The following ARHGEF28 variants were observed in gnomAD, a reference collection of about 807,000 sequenced individuals.
The protein encoded by ARHGEF28 is Rho guanine nucleotide exchange factor 28.
Under a neutral mutation model 206.6 loss-of-function variants are expected in ARHGEF28, and 152 were observed. That is an observed-to-expected ratio of 0.74 (90% confidence interval 0.64 to 0.84). The LOEUF (loss-of-function observed/expected upper bound fraction) is 0.84. Ranked by LOEUF, ARHGEF28 falls within the 40% of genes least tolerant of loss-of-function variation. The pLI, the probability that ARHGEF28 is intolerant of heterozygous loss-of-function variation, is 0.00. For missense variants in ARHGEF28, 2,028 were observed against 2,073.2 expected (o/e 0.98, Z 0.42); for synonymous variants, 763 against 776.4 (o/e 0.98, Z 0.29).
At chr5:73,639,846 T>C (rs1743957632) in intron 1 of ARHGEF28, among the ~76,000 whole-genome samples, 1 of 152,210 alleles carries the variant, frequency 6.6e-6, no homozygotes, top group African/African-American at 2.4e-5. Context: ...GGTATGCTTT[T>C]TCACATTTGT....
intron 4 of ARHGEF28, 104 bp from the exon 5 acceptor site, chr5:73,773,751 C>CT: frequency 8.7e-7 from 1 of 1,145,336 alleles, no homozygotes. Context: ...TCTTCCAACT[C>CT]TGACATTCTT....
chr5:73,779,808 A>G (rs1357913516), intron 6 of ARHGEF28, among the ~76,000 whole-genome samples: 2 of 152,172 alleles, frequency 1.3e-5, no homozygotes, highest in African/African-American at 4.8e-5. Flanking sequence ...GCAACCAGGC[A>G]CTTGTTGCTC....
chr5:73,686,273 T>G (rs2112252562), intron 2 of ARHGEF28, among the ~76,000 whole-genome samples: 1 of 152,264 alleles, frequency 6.6e-6, no homozygotes, highest in East Asian at 1.9e-4. Context: ...CTGTTTTTTC[T>G]GTGTGTGCCT....
chr5:73,939,892 T>A (rs1742490930), intron 35 of ARHGEF28, among the ~76,000 whole-genome samples: 2 of 152,132 alleles, frequency 1.3e-5, no homozygotes, highest in Non-Finnish European at 2.9e-5. Flanking sequence ...TTCTTTAAAT[T>A]TTTTTTTAAT....
At chr5:73,889,763 G>A (rs1051286068) in intron 26 of ARHGEF28, among the ~76,000 whole-genome samples, 2 of 152,202 alleles carry the variant, frequency 1.3e-5, no homozygotes, top group Admixed American at 1.3e-4. Flanking sequence ...GATAGGGTCA[G>A]AAGCAATGAG....
In ARHGEF28 at chr5:73,776,509, G is replaced by A; in HGVS notation, c.660-7G>A. On this transcript the variant is annotated splice_region_variant and splice_polypyrimidine_tract_variant and intron_variant, in intron 5 of 35. Transcript: ENST00000513042. ...CTCTGTGTGGGTTTTGATTTGTGTTGTTTCAGTTTTCAGGGCAGATGGTCC... is the reference window on the plus strand; with the variant it reads ...CTCTGTGTGGGTTTTGATTTGTGTTATTTCAGTTTTCAGGGCAGATGGTCC... The A allele has an allele frequency of 1.2e-6, 2 of 1,607,788 alleles. No individual in the cohort carries two copies. Among genetic ancestry groups the A allele is most frequent in the South Asian group, 2.2e-5 (2 of 90,198 alleles).
At chr5:73,771,857 T>A (rs1312337881) in intron 4 of ARHGEF28, among the ~76,000 whole-genome samples, 2 of 152,206 alleles carry the variant, frequency 1.3e-5, no homozygotes. Flanking sequence ...CATAGTTTTT[T>A]AATTTTCATA....
chr5:73,766,153 CA>C (rs369385323), intron 4 of ARHGEF28, among the ~76,000 whole-genome samples: 5,187 of 114,682 alleles, frequency 0.045, 271 homozygotes, highest in African/African-American at 0.14. Flanking sequence ...GACTCCATCT[CA>C]AAAAAAAAAA....
chr5:73,904,346 T>A lies in ARHGEF28; in HGVS notation c.4114-12T>A, dbSNP rs1224238769. On this transcript the variant is annotated splice_polypyrimidine_tract_variant and intron_variant, in intron 32 of 35. Transcript: ENST00000513042. ...TTTTCAAGAATTTGACACTTACAAT[T>A]TTGTTTTTCAGATTATACAAGCCAT... 1 of 1,613,394 alleles carries A rather than the reference T, an allele frequency of 6.2e-7. No individual in the cohort carries two copies. The highest frequency in any genetic ancestry group is 8.5e-7 in the Non-Finnish European group (1 of 1,179,592).
Position 73,641,406 on chromosome 5 carries a change from T to G in ARHGEF28, c.-12+15084T>G, listed in dbSNP as rs1323743094. On this transcript the variant is annotated intron_variant, in intron 1 of 35. Transcript: ENST00000513042. ...AAAAAATAATGGCAGGGGAAAGGCT[T>G]TTTTTTTTTTTTTTGGCTCATTTCA... 6.4e-4 allele frequency among the ~76,000 whole-genome samples: 89 copies of G among 139,694 alleles called. 1 individual carries two copies. The highest frequency in any genetic ancestry group is 1.0e-3 in the African/African-American group (35 of 35,006). 91.6% of individuals were successfully genotyped at this position (139,694 alleles called of 152,430 possible).
intron 1 of ARHGEF28, among the ~76,000 whole-genome samples, chr5:73,630,429 A>G (rs1488291901): frequency 2.0e-5 from 3 of 152,198 alleles, no homozygotes; most frequent in Non-Finnish European, 2.9e-5. Context: ...AATGCGGATA[A>G]TAATAGTAAC....
intron 11 of ARHGEF28, among the ~76,000 whole-genome samples, chr5:73,843,340 A>G (rs1012021371): frequency 2.6e-5 from 4 of 152,150 alleles, no homozygotes; most frequent in African/African-American, 9.7e-5. Context: ...ATTCTACAGA[A>G]AAGCTTTCTG....
At chr5:73,633,479 T>G (rs774266995) in intron 1 of ARHGEF28, among the ~76,000 whole-genome samples, 1 of 151,788 alleles carries the variant, frequency 6.6e-6, no homozygotes, top group Non-Finnish European at 1.5e-5. Flanking sequence ...ATTTCTCTCA[T>G]AAGATTGTAA....
rs1000333176 is a variant in ARHGEF28 at position 73,777,511 on chromosome 5, G to C, written c.840+815G>C. On this transcript the variant is annotated intron_variant, in intron 6 of 35. Transcript: ENST00000513042. ...GCTTAGAAAACCAATATTATCATTG[G>C]CCACAGTTTCAGCTTTTGTAGAATA... Among the ~76,000 whole-genome samples, 7 of 152,164 alleles carry C rather than the reference G, an allele frequency of 4.6e-5. No homozygotes were observed. In the East Asian group the frequency reaches 1.4e-3, roughly 29 times the overall value.
chr5:73,688,995 A>G (rs1159051285), intron 2 of ARHGEF28, among the ~76,000 whole-genome samples: 1 of 152,192 alleles, frequency 6.6e-6, no homozygotes, highest in African/African-American at 2.4e-5. Flanking sequence ...TTTCAGTAGC[A>G]TCAAGTTGTT....
intron 1 of ARHGEF28, among the ~76,000 whole-genome samples, chr5:73,655,003 T>C (rs1745094286): frequency 1.3e-5 from 2 of 152,142 alleles, no homozygotes; most frequent in African/African-American, 2.4e-5. Context: ...TAATGTAAAA[T>C]CTCATTGGGC....
chr5:73,858,366 G>A, intron 16 of ARHGEF28, 147 bp downstream of exon 16: 1 of 1,072,340 alleles, frequency 9.3e-7, no homozygotes, highest in Non-Finnish European at 1.3e-6. Context: ...ACTGATACTG[G>A]TTAGAGTCAG....
Position 73,788,806 on chromosome 5 carries a change from G to A in ARHGEF28, c.911-5596G>A, listed in dbSNP as rs559764505. ...TGCAGTTCAAACCCGTCTTGTTTAA[G>A]GATCAACTGTATAATGATTTAGAGC... On this transcript the variant is annotated intron_variant, in intron 7 of 35. Transcript: ENST00000513042. 1.6e-4 allele frequency among the ~76,000 whole-genome samples: 25 copies of A among 152,208 alleles called. 2 individuals are homozygous for A. The South Asian group carries it at 5.0e-3, about 30-fold the overall frequency.
rs191561040 is a variant in ARHGEF28 at position 73,847,943 on chromosome 5, T to C, written c.1636-1033T>C. Among the ~76,000 whole-genome samples, 11 of 152,324 alleles carry C rather than the reference T, an allele frequency of 7.2e-5. No homozygotes were observed. In the East Asian group the frequency reaches 2.1e-3, roughly 29 times the overall value. ...TTTGAAGCAAGGTTAGGCTTCCATT[T>C]TTCAACTTTCCTCCAGGCTCCTTAA... is the stretch of plus-strand genomic sequence containing the variant. On this transcript the variant is annotated intron_variant, in intron 12 of 35. Transcript: ENST00000513042.
Sources: gnomAD v4.1 joint callset for allele counts (sites outside exome capture counted in the v4.1 genomes callset) on GRCh38, gnomAD v4.1.1 for gene constraint, MANE v1.5 for transcripts, NCBI Gene and HGNC (gene_info 2026-07-23, HGNC 2026-07-21) for gene names.